The following CFAP70 variants were observed in gnomAD, a reference collection of about 807,000 sequenced individuals.
The protein encoded by CFAP70 is cilia- and flagella-associated protein 70.
A neutral mutation model predicts 137.6 loss-of-function variants in CFAP70; 81 were observed. The observed-to-expected ratio is 0.59, with a 90% CI of 0.49 to 0.71. The LOEUF (loss-of-function observed/expected upper bound fraction) is 0.71, where lower values mean the gene tolerates loss of function less well. Among genes scored for constraint, CFAP70 ranks in the 30% least tolerant of loss-of-function variants. The pLI, the probability that CFAP70 is intolerant of heterozygous loss-of-function variation, is 0.00. For missense variants in CFAP70, 976 were observed against 1,226.7 expected (o/e 0.80, Z 3.05); for synonymous variants, 382 against 423.6 (o/e 0.90, Z 1.20).
At chr10:73,325,983 A>G (rs368585187) in intron 8 of CFAP70, among the ~76,000 whole-genome samples, 10 of 151,886 alleles carry the variant, frequency 6.6e-5, no homozygotes, top group African/African-American at 2.4e-4. Context: ...TGCACCAAGT[A>G]GACCTAATAG....
At chr10:73,315,238 A>C (rs1425377652) in intron 9 of CFAP70, among the ~76,000 whole-genome samples, 1 of 149,156 alleles carries the variant, frequency 6.7e-6, no homozygotes, top group African/African-American at 2.5e-5. Flanking sequence ...AAAAAAAAAC[A>C]GCTTTATTGA....
At chr10:73,313,012 T>C (rs1312905866) in intron 9 of CFAP70, among the ~76,000 whole-genome samples, 1 of 152,166 alleles carries the variant, frequency 6.6e-6, no homozygotes, top group African/African-American at 2.4e-5. Context: ...TTGTGTGAGC[T>C]CAGCAGTTCA....
exon 3 of CFAP70, chr10:73,353,651 G>A (rs765368156): frequency 1.2e-6 from 2 of 1,614,132 alleles, no homozygotes; most frequent in South Asian, 1.1e-5. Context: ...ACTTCCTTCT[G>A]GAGAAACAGT....
intron 24 of CFAP70, among the ~76,000 whole-genome samples, chr10:73,271,191 C>G (rs1247386926): frequency 1.3e-5 from 2 of 152,034 alleles, no homozygotes; most frequent in Non-Finnish European, 2.9e-5. Context: ...TATCTGCCCT[C>G]AAAGGGCTCA....
At chr10:73,346,838 G>C (rs2053756722) in intron 4 of CFAP70, 1 of 152,144 alleles carries the variant, frequency 6.6e-6, no homozygotes, top group Non-Finnish European at 1.5e-5. Context: ...CTAATTATTT[G>C]GCTGGGGGTT....
intron 7 of CFAP70, among the ~76,000 whole-genome samples, chr10:73,334,444 G>C (rs560790509): frequency 2.6e-4 from 40 of 152,236 alleles, no homozygotes; most frequent in Non-Finnish European, 4.4e-4. Context: ...CGTGCAAGCT[G>C]GAGCTCCAGC....
At chr10:73,359,619 A>G (rs2054926545), upstream of CFAP70, among the ~76,000 whole-genome samples, 1 of 152,206 alleles carries the variant, frequency 6.6e-6, no homozygotes, top group Non-Finnish European at 1.5e-5. Context: ...ATGCCAACCC[A>G]GAAGTGTAGC....
In CFAP70 at chr10:73,258,635, G is replaced by C. The variant is rs574383021; in HGVS notation, c.3028-2219C>G. On this transcript the variant is annotated intron_variant, in intron 25 of 26. Coordinates refer to ENST00000310715, the Ensembl canonical transcript of CFAP70. ...TGCCTGCAGGGCCGGACAGAACAGA[G>C]TCACATTTCTCTTCTTACAAAAGCG... Among the ~76,000 whole-genome samples the C allele has an allele frequency of 1.4e-4, 21 of 152,358 alleles. 1 individual carries two copies. In the South Asian group the frequency reaches 4.3e-3, roughly 32 times the overall value.
intron 25 of CFAP70, among the ~76,000 whole-genome samples, chr10:73,262,053 TTATATATG>T (rs1330002279): frequency 2.3e-4 from 31 of 137,530 alleles, no homozygotes; most frequent in South Asian, 1.0e-3. Context: ...ATATTATATA[TTATATATG>T]TATATATGTA....
At chr10:73,340,882 T>C (rs1392453072) in intron 6 of CFAP70, among the ~76,000 whole-genome samples, 1 of 151,996 alleles carries the variant, frequency 6.6e-6, no homozygotes, top group Non-Finnish European at 1.5e-5. Context: ...CTTCCAAGAG[T>C]GCAGAGATGC....
chr10:73,274,646 A>G, intron 22 of CFAP70, 52 bp from the exon 24 acceptor site: 1 of 1,453,868 alleles, frequency 6.9e-7, no homozygotes, highest in South Asian at 1.3e-5. Flanking sequence ...ATTTAAAAGT[A>G]CCTTGATGAT....
intron 14 of CFAP70, among the ~76,000 whole-genome samples, chr10:73,297,983 A>G (rs948682509): frequency 6.6e-6 from 1 of 152,184 alleles, no homozygotes; most frequent in East Asian, 1.9e-4. Flanking sequence ...TCTTGCTTCC[A>G]TGGACATTTG....
chr10:73,323,652 A>C (rs1214645591), intron 8 of CFAP70, among the ~76,000 whole-genome samples: 2 of 152,248 alleles, frequency 1.3e-5, no homozygotes, highest in Non-Finnish European at 2.9e-5. Context: ...CGGGCTTAAA[A>C]AATGGCACAC....
intron 19 of CFAP70, among the ~76,000 whole-genome samples, chr10:73,286,809 G>A (rs914785436): frequency 1.3e-5 from 2 of 152,230 alleles, no homozygotes; most frequent in African/African-American, 2.4e-5. Flanking sequence ...CCAGTGATAA[G>A]CATTGTTTCT....
intron 5 of CFAP70, among the ~76,000 whole-genome samples, chr10:73,344,574 G>A (rs1352561767): frequency 1.3e-5 from 2 of 152,140 alleles, no homozygotes; most frequent in African/African-American, 2.4e-5. Flanking sequence ...CCACATACAT[G>A]GCCCTGGAAA....
Position 73,256,685 on chromosome 10 carries a change from C to T in CFAP70, c.3028-269G>A, listed in dbSNP as rs144393908. Among the ~76,000 whole-genome samples the T allele has an allele frequency of 6.3e-3, 963 of 151,870 alleles. 13 individuals are homozygous for T. The highest frequency in any genetic ancestry group is 0.022 in the African/African-American group (914 of 41,430). On this transcript the variant is annotated intron_variant, in intron 25 of 26. Coordinates refer to ENST00000310715, the Ensembl canonical transcript of CFAP70. ...TTGGGAGACCGAGGTGGGTGGATCA[C>T]AAGGTCAGGAGATCGAGATCATCCT...
At chr10:73,305,692 G>C (rs2049318169) in intron 12 of CFAP70, among the ~76,000 whole-genome samples, 1 of 152,158 alleles carries the variant, frequency 6.6e-6, no homozygotes. Context: ...ACAATAAAAA[G>C]CAGCCAAACG....
At chr10:73,350,454 C>G (rs769258962) in intron 3 of CFAP70, among the ~76,000 whole-genome samples, 2 of 151,890 alleles carry the variant, frequency 1.3e-5, no homozygotes, top group Non-Finnish European at 2.9e-5. Context: ...TTTCCATGAA[C>G]TTTTCATATT....
chr10:73,255,502 T>C (rs1275268478), intron 26 of CFAP70, among the ~76,000 whole-genome samples: 1 of 151,976 alleles, frequency 6.6e-6, no homozygotes, highest in Non-Finnish European at 1.5e-5. Flanking sequence ...TGCAGTGAGC[T>C]GAGATCGTGC....
Sources: gnomAD v4.1 joint callset for allele counts (sites outside exome capture counted in the v4.1 genomes callset) on GRCh38, gnomAD v4.1.1 for gene constraint, MANE v1.5 for transcripts, NCBI Gene and HGNC (gene_info 2026-07-23, HGNC 2026-07-21) for gene names.